Variants in ZDHHC2 observed in about 807,000 individuals in gnomAD.
ZDHHC2 encodes zDHHC palmitoyltransferase 2, also known as palmitoyltransferase ZDHHC2.
ZDHHC2 carries 51 observed loss-of-function variants against 55.6 expected under a neutral mutation model. The ratio of observed to expected loss-of-function variants is 0.92; its 90% CI spans 0.73 to 1.16. The LOEUF is 1.16. Among genes scored for constraint, ZDHHC2 ranks in the 50% most tolerant of loss-of-function variants. The probability of loss-of-function intolerance (pLI) is 0.00; values close to 1 mark genes in which losing one functional copy is unlikely to be tolerated. For synonymous variants in ZDHHC2, 199 were observed against 152.9 expected, an observed-to-expected ratio of 1.30 and a Z score of -2.22; for missense variants, 491 against 442.4, an observed-to-expected ratio of 1.11 and a Z score of -0.99.
At chr8:17,199,195 C>T (rs915704779) in intron 6 of ZDHHC2, among the ~76,000 whole-genome samples, 6 of 152,150 alleles carry the variant, frequency 3.9e-5, no homozygotes, top group Non-Finnish European at 7.4e-5. Flanking sequence ...TTCTTAGCAG[C>T]AGGAAAGATT....
At chr8:17,202,349 G>A (rs753084260) in intron 6 of ZDHHC2, among the ~76,000 whole-genome samples, 1 of 152,086 alleles carries the variant, frequency 6.6e-6, no homozygotes, top group Non-Finnish European at 1.5e-5. Flanking sequence ...AAAAAAATGA[G>A]TCTCAGAAAA....
intron 11 of ZDHHC2, among the ~76,000 whole-genome samples, chr8:17,216,416 T>G (rs557637931): frequency 7.2e-5 from 11 of 152,206 alleles, no homozygotes; most frequent in Non-Finnish European, 1.3e-4. Context: ...TCCCATTATT[T>G]GACTATTCAT....
At chr8:17,171,103 G>T (rs888409146) in intron 1 of ZDHHC2, among the ~76,000 whole-genome samples, 1 of 152,134 alleles carries the variant, frequency 6.6e-6, no homozygotes, top group Non-Finnish European at 1.5e-5. Context: ...CATGGCCTCT[G>T]TGGTCTTTCC....
At chr8:17,177,589 G>A (rs1006791583) in intron 1 of ZDHHC2, among the ~76,000 whole-genome samples, 2 of 152,114 alleles carry the variant, frequency 1.3e-5, no homozygotes, top group Admixed American at 1.3e-4. Context: ...CAGCACAGAG[G>A]TAGAGTCTTA....
At chr8:17,207,089 A>G (rs990990371) in intron 7 of ZDHHC2, among the ~76,000 whole-genome samples, 2 of 152,232 alleles carry the variant, frequency 1.3e-5, no homozygotes, top group Admixed American at 1.3e-4. Flanking sequence ...ATGAAAAGGA[A>G]TGACCAGAAT....
chr8:17,186,216 T>C (rs971415730), intron 2 of ZDHHC2, 115 bp from the exon 3 acceptor site: 1 of 644,608 alleles, frequency 1.6e-6, no homozygotes, highest in Non-Finnish European at 2.6e-6. Context: ...GGAACTTTCA[T>C]AATGTATTAT....
At chr8:17,168,861 C>T (rs1804727813) in intron 1 of ZDHHC2, among the ~76,000 whole-genome samples, 1 of 152,036 alleles carries the variant, frequency 6.6e-6, no homozygotes, top group Admixed American at 6.6e-5. Context: ...TAGTATGTGT[C>T]AGAATTTCAT....
intron 6 of ZDHHC2, among the ~76,000 whole-genome samples, chr8:17,201,299 C>G (rs1195556208): frequency 2.0e-5 from 3 of 151,870 alleles, no homozygotes; most frequent in Non-Finnish European, 4.4e-5. Flanking sequence ...AGTGACTACA[C>G]TATTGATTGA....
At chr8:17,168,804 T>TCAGAGG (rs1804725011) in intron 1 of ZDHHC2, among the ~76,000 whole-genome samples, 1 of 152,194 alleles carries the variant, frequency 6.6e-6, no homozygotes, top group South Asian at 2.1e-4. Context: ...TTCACCTGTG[T>TCAGAGG]TGTAGCATGT....
At chr8:17,180,165 T>G (rs1164892753) in intron 1 of ZDHHC2, among the ~76,000 whole-genome samples, 1 of 152,202 alleles carries the variant, frequency 6.6e-6, no homozygotes, top group Non-Finnish European at 1.5e-5. Flanking sequence ...GGTCTTTATT[T>G]TTTTTTAAAG....
rs974224550 is a variant in ZDHHC2 at position 17,222,695 on chromosome 8, A to G, written c.*2474A>G. 5.9e-5 allele frequency: 9 copies of G among 151,862 alleles called. No homozygotes were observed. The highest frequency in any genetic ancestry group is 1.7e-4 in the African/African-American group (7 of 41,410). 9.4% of individuals were successfully genotyped at this position (151,862 alleles called of 1,614,324 possible). On this transcript the variant is annotated 3_prime_UTR_variant, in exon 13 of 13. Transcript: ENST00000262096. The stretch of plus-strand genomic sequence containing the variant: ...GATGCATTCAATGAAGTTCATATCC[A>G]TGAATTCACTCCTAATATACCCTAA...
chr8:17,174,911 G>C (rs1006840263), intron 1 of ZDHHC2, among the ~76,000 whole-genome samples: 7 of 151,712 alleles, frequency 4.6e-5, no homozygotes, highest in Admixed American at 1.3e-4. Flanking sequence ...TGTTTTAGTA[G>C]AGACAGAGTT....
In ZDHHC2 at chr8:17,222,536, T is replaced by A. The variant is rs1713781661; in HGVS notation, c.*2315T>A. 1 of 151,878 alleles carries A rather than the reference T, an allele frequency of 6.6e-6. No individual in the cohort carries two copies. Among genetic ancestry groups the A allele is most frequent in the Admixed American group, 6.6e-5 (1 of 15,238 alleles). The allele number at this position is 151,878 out of a possible 1,614,324, so 9.4% of individuals were successfully genotyped here. On this transcript the variant is annotated 3_prime_UTR_variant, in exon 13 of 13. Coordinates refer to ENST00000262096, the MANE Select transcript of ZDHHC2 (RefSeq NM_016353.5). Reference sequence around the variant, plus strand: ...TTTTATAGATTTTACTATATAGGAATCAAGATTTAAGAAATTTTGCATTAA... The same window carrying A: ...TTTTATAGATTTTACTATATAGGAAACAAGATTTAAGAAATTTTGCATTAA...
chr8:17,190,715 A>G (rs1805979161), intron 3 of ZDHHC2, among the ~76,000 whole-genome samples: 1 of 152,168 alleles, frequency 6.6e-6, no homozygotes. Flanking sequence ...GTAGTTAAAA[A>G]AAACTTGTGA....
Position 17,159,293 on chromosome 8 carries a change from G to T in ZDHHC2, c.130+2440G>T, listed in dbSNP as rs117592006. On this transcript the variant is annotated intron_variant, in intron 1 of 12. Coordinates refer to ENST00000262096, the MANE Select transcript of ZDHHC2 (RefSeq NM_016353.5). ...TCTTGGAAGTTGCCATTTACAAGCA[G>T]ATTTTCCAAATTTCTTCCATAAAAC... Among the ~76,000 whole-genome samples the T allele has an allele frequency of 2.6e-5, 4 of 152,178 alleles. No individual in the cohort carries two copies. In the South Asian group the frequency reaches 8.3e-4, roughly 32 times the overall value.
At chr8:17,177,637 G>T (rs1195368084) in intron 1 of ZDHHC2, among the ~76,000 whole-genome samples, 3 of 152,164 alleles carry the variant, frequency 2.0e-5, no homozygotes, top group Non-Finnish European at 4.4e-5. Context: ...GCACAGTATA[G>T]TCAATTAATG....
chr8:17,216,834 T>G (rs1807672899), intron 11 of ZDHHC2, among the ~76,000 whole-genome samples: 1 of 152,158 alleles, frequency 6.6e-6, no homozygotes, highest in African/African-American at 2.4e-5. Flanking sequence ...TTGGTTTGAC[T>G]AGAATGAGGT....
At chr8:17,210,146 G>T in intron 9 of ZDHHC2, 88 bp downstream of exon 9, 1 of 1,420,910 alleles carries the variant, frequency 7.0e-7, no homozygotes, top group Non-Finnish European at 9.4e-7. Flanking sequence ...AGTTCCATAG[G>T]CTTGTAATTC....
intron 1 of ZDHHC2, among the ~76,000 whole-genome samples, chr8:17,180,548 A>C (rs1387417730): frequency 1.3e-5 from 2 of 152,174 alleles, no homozygotes; most frequent in East Asian, 3.8e-4. Context: ...CATTACAGTT[A>C]ATATTATCAA....
Sources: gnomAD v4.1 joint callset for allele counts (sites outside exome capture counted in the v4.1 genomes callset) on GRCh38, gnomAD v4.1.1 for gene constraint, MANE v1.5 for transcripts, NCBI Gene and HGNC (gene_info 2026-07-23, HGNC 2026-07-21) for gene names.